The following OSBPL9 variants were observed in gnomAD, a reference collection of about 807,000 sequenced individuals.
The protein encoded by OSBPL9 is oxysterol binding protein like 9, also known as oxysterol-binding protein-related protein 9.
Under a neutral mutation model 106.6 loss-of-function variants are expected in OSBPL9, and 40 were observed. The observed-to-expected ratio is 0.38, with a 90% CI of 0.29 to 0.49. The LOEUF (loss-of-function observed/expected upper bound fraction) is 0.49. Ranked by LOEUF, OSBPL9 falls within the 20% of genes least tolerant of loss-of-function variation. The pLI is 0.97. For synonymous variants in OSBPL9, 269 were observed against 295.4 expected, an observed-to-expected ratio of 0.91 and a Z score of 0.92; for missense variants, 609 against 887.2, an observed-to-expected ratio of 0.69 and a Z score of 3.98.
chr1:51,524,140 G>C, the OSBPL9 span, among the ~76,000 whole-genome samples: 1 of 152,208 alleles, frequency 6.6e-6, no homozygotes, highest in African/African-American at 2.4e-5. Flanking sequence ...AGGGCAGAAA[G>C]AATATGTGAG....
chr1:51,746,756 A>G lies in OSBPL9; in HGVS notation c.461A>G (p.Lys154Arg), dbSNP rs760107815. ...LQNCKEDEQRKKIETLKETTN... is the reference protein window; with the variant it reads ...LQNCKEDEQRRKIETLKETTN... ...AACTGCAAAGAAGATGAACAGAGAAAGGTAACTTCCATAACCGTGCTTTTG... is the reference window on the plus strand; with the variant it reads ...AACTGCAAAGAAGATGAACAGAGAAGGGTAACTTCCATAACCGTGCTTTTG... Residue 154 changes from lysine (K) to arginine (R), a missense_variant and splice_region_variant, in exon 6 of 24, where the codon AAG becomes AGG. Lys to Arg is a conservative substitution (Grantham distance 26, BLOSUM62 2). Coordinates refer to ENST00000428468, the MANE Select transcript of OSBPL9 (RefSeq NM_024586.6). 3 of 1,605,792 alleles carry G rather than the reference A, an allele frequency of 1.9e-6. No homozygotes were observed. The African/African-American group carries it at 4.0e-5, about 22-fold the overall frequency.
chr1:51,775,072 T>C (rs1674751331), intron 14 of OSBPL9, among the ~76,000 whole-genome samples: 1 of 152,186 alleles, frequency 6.6e-6, no homozygotes, highest in South Asian at 2.1e-4. Flanking sequence ...TTATCTAAAG[T>C]GGTAAGAAGT....
the OSBPL9 span, among the ~76,000 whole-genome samples, chr1:51,548,014 T>C: frequency 4.8e-3 from 729 of 152,112 alleles, 2 homozygotes; most frequent in Middle Eastern, 0.024. Context: ...ATTAACTTTC[T>C]TCCTAATACA....
chr1:51,678,861 A>G lies in OSBPL9; in HGVS notation c.241+9349A>G, dbSNP rs1651894645. Among the ~76,000 whole-genome samples, 3 of 152,200 alleles carry G rather than the reference A, an allele frequency of 2.0e-5. No homozygotes were observed. In the South Asian group the frequency reaches 6.2e-4, roughly 31 times the overall value. On this transcript the variant is annotated intron_variant, in intron 3 of 23. Transcript: ENST00000428468. ...ATTTAGTAAATTATAAGACTAAACC[A>G]TGGTTGCAGGCTTAAAGATCTTCTG... is the stretch of plus-strand genomic sequence containing the variant.
Position 51,650,015 on chromosome 1 carries a change from A to G in OSBPL9, c.112-1976A>G, listed in dbSNP as rs186416972. On this transcript the variant is annotated intron_variant, in intron 1 of 23. Coordinates refer to ENST00000428468, the MANE Select transcript of OSBPL9 (RefSeq NM_024586.6). ...TCTCAGCCTCCTGAGAGCTGGGACT[A>G]TAGGTGTGTACCACCACACCTAGCT... Among the ~76,000 whole-genome samples the G allele has an allele frequency of 3.2e-4, 49 of 151,998 alleles. No individual in the cohort carries two copies. The East Asian group carries it at 8.5e-3, about 26-fold the overall frequency.
At chr1:51,656,769 C>T (rs903923610) in intron 2 of OSBPL9, among the ~76,000 whole-genome samples, 1 of 152,088 alleles carries the variant, frequency 6.6e-6, no homozygotes, top group Non-Finnish European at 1.5e-5. Flanking sequence ...AAGCAATCCT[C>T]CTGCCTCAAC....
At chr1:51,640,496 A>G (rs185870840) in intron 1 of OSBPL9, among the ~76,000 whole-genome samples, 2 of 152,284 alleles carry the variant, frequency 1.3e-5, no homozygotes, top group African/African-American at 2.4e-5. Context: ...GATATTATTA[A>G]TCTCTAATTG....
chr1:51,595,585 G>T (rs1348373454), intron 1 of OSBPL9, among the ~76,000 whole-genome samples: 1 of 152,190 alleles, frequency 6.6e-6, no homozygotes, highest in Non-Finnish European at 1.5e-5. Context: ...GCAGAGAGAA[G>T]ACCATGGGCA....
Position 51,651,985 on chromosome 1 carries a change from T to C in OSBPL9, c.112-6T>C, listed in dbSNP as rs1040382633. The C allele has an allele frequency of 1.9e-6, 3 of 1,604,394 alleles. No homozygotes were observed. The highest frequency in any genetic ancestry group is 1.7e-6 in the Non-Finnish European group (2 of 1,174,120). On this transcript the variant is annotated splice_region_variant and splice_polypyrimidine_tract_variant and intron_variant, in intron 1 of 23. Transcript: ENST00000428468. Reference sequence around the variant, plus strand: ...TTATTCATTGAATGCTTTGTTTTTCTTTTAGTCCAAGGACAAAATGATGAG... The same window carrying C: ...TTATTCATTGAATGCTTTGTTTTTCCTTTAGTCCAAGGACAAAATGATGAG...
At chr1:51,754,737 C>T (rs1669966246) in intron 8 of OSBPL9, among the ~76,000 whole-genome samples, 1 of 152,276 alleles carries the variant, frequency 6.6e-6, no homozygotes, top group African/African-American at 2.4e-5. Context: ...ATTATTTCAA[C>T]ATGTAATCAG....
chr1:51,703,272 G>A (rs1657704264), intron 3 of OSBPL9, among the ~76,000 whole-genome samples: 1 of 152,188 alleles, frequency 6.6e-6, no homozygotes, highest in African/African-American at 2.4e-5. Context: ...TCCTACCCAT[G>A]AGCATGGAAT....
chr1:51,599,253 A>G (rs749538535), intron 2 of OSBPL9, among the ~76,000 whole-genome samples: 1 of 152,210 alleles, frequency 6.6e-6, no homozygotes, highest in Non-Finnish European at 1.5e-5. Context: ...TGTTATAACA[A>G]GCACTGTTAT....
intron 3 of OSBPL9, among the ~76,000 whole-genome samples, chr1:51,673,888 GTTT>G (rs75863412): frequency 7.2e-6 from 1 of 139,570 alleles, no homozygotes. Flanking sequence ...CTCTAAAAAA[GTTT>G]TTTTTTTTTT....
chr1:51,566,740 T>C, the OSBPL9 span, among the ~76,000 whole-genome samples: 1,519 of 152,254 alleles, frequency 1.0e-2, 19 homozygotes, highest in African/African-American at 0.035. Flanking sequence ...ACTCCTCTGG[T>C]CTCCCTAGCC....
At chr1:51,541,045 C>T in the OSBPL9 span, among the ~76,000 whole-genome samples, 1 of 151,328 alleles carries the variant, frequency 6.6e-6, no homozygotes, top group Non-Finnish European at 1.5e-5. Context: ...GCAGGAGAAT[C>T]GCTTGAACCC....
rs779800285 is a variant in OSBPL9, at chr1:51,787,353, C to G, written c.2001C>G (p.Ser667Arg). The change falls in exon 23 of 24, where the codon AGC becomes AGG. Residue 667 changes from serine to arginine, a missense_variant and splice_region_variant. By Grantham distance (110) the Ser-to-Arg change is moderately radical. Coordinates refer to ENST00000428468, the MANE Select transcript of OSBPL9 (RefSeq NM_024586.6). ...LEDQNEYESR[S>R]LWKDVTFNLK... ...AGCTCCTCTTACCTCTTTGTTTTAG[C>G]CTTTGGAAGGATGTCACTTTCAACT... is the stretch of plus-strand genomic sequence containing the variant. The G allele has an allele frequency of 3.2e-5, 51 of 1,613,596 alleles. No individual in the cohort carries two copies. The South Asian group carries it at 5.6e-4, about 18-fold the overall frequency.
intron 7 of OSBPL9, among the ~76,000 whole-genome samples, chr1:51,749,878 A>C (rs1668861595): frequency 7.3e-6 from 1 of 137,084 alleles, no homozygotes; most frequent in African/African-American, 2.6e-5. Flanking sequence ...CTTGTCTCTT[A>C]AAAAAAAAAA....
Position 51,617,160 on chromosome 1 carries a change from A to G in OSBPL9, c.50A>G (p.Lys17Arg). Residue 17 changes from lysine to arginine, a missense_variant, in exon 1 of 24, where the codon AAG (lysine) becomes AGG (arginine). Transcript: ENST00000428468. ...CTGAGCAAATGGACTAACGTGATGA[A>G]GGGCTGGCAGTACCGTTGGTTCGTG... ...GPLSKWTNVM[K>R]GWQYRWFVLD... The G allele has an allele frequency of 6.2e-7, 1 of 1,613,778 alleles. No homozygotes were observed. Among genetic ancestry groups the G allele is most frequent in the Non-Finnish European group, 8.5e-7 (1 of 1,179,894 alleles).
rs1670321844 is a variant in OSBPL9 at position 51,756,311 on chromosome 1, T to C, written c.544-9T>C. 1 of 1,610,354 alleles carries C rather than the reference T, an allele frequency of 6.2e-7. No individual in the cohort carries two copies. The highest frequency in any genetic ancestry group is 1.7e-5 in the Admixed American group (1 of 59,830). On this transcript the variant is annotated splice_polypyrimidine_tract_variant and intron_variant, in intron 8 of 23. Transcript: ENST00000428468. ...AATGAAGTTAATATTTTTAACATTTTTCCTTAAGGACCAGAGTAATGCGGA... is the reference window on the plus strand; with the variant it reads ...AATGAAGTTAATATTTTTAACATTTCTCCTTAAGGACCAGAGTAATGCGGA...
Sources: allele counts gnomAD v4.1 joint callset (sites outside exome capture counted in the v4.1 genomes callset), GRCh38; gene constraint gnomAD v4.1.1; transcripts MANE v1.5; gene names NCBI Gene and HGNC (gene_info 2026-07-23, HGNC 2026-07-21).